The following PEX26 variants were observed in gnomAD, a reference collection of about 807,000 sequenced individuals.
PEX26 encodes peroxisomal biogenesis factor 26, also known as peroxisome assembly protein 26.
A neutral mutation model predicts 31.4 loss-of-function variants in PEX26; 18 were observed. The ratio of observed to expected loss-of-function variants is 0.57; its 90% CI spans 0.40 to 0.85. The LOEUF is 0.85. Ranked by LOEUF, PEX26 falls within the 40% of genes least tolerant of loss-of-function variation. PEX26 has a pLI of 0.00. For synonymous variants in PEX26, 176 were observed against 166.9 expected, an observed-to-expected ratio of 1.05 and a Z score of -0.42; for missense variants, 377 against 383.9, an observed-to-expected ratio of 0.98 and a Z score of 0.15.
chr22:18,080,121 T>G, intron 2 of PEX26, 107 bp downstream of exon 2: 1 of 1,257,216 alleles, frequency 8.0e-7, no homozygotes. Context: ...GCCCTCCAGA[T>G]CGGATTCTTT....
chr22:18,083,812 C>T, intron 3 of PEX26, 80 bp downstream of exon 3: 2 of 1,336,206 alleles, frequency 1.5e-6, no homozygotes, highest in East Asian at 2.3e-5. Flanking sequence ...CGTGAAACTC[C>T]TGCGAGCTTA....
intron 4 of PEX26, 100 bp from the exon 5 acceptor site, chr22:18,087,872 A>C (rs1297920479): frequency 8.5e-6 from 7 of 828,206 alleles, no homozygotes; most frequent in Non-Finnish European, 1.5e-5. Context: ...AAACAAAACC[A>C]ACTATGTGTA....
Position 18,083,419 on chromosome 22 carries a change from G to A in PEX26, c.372-18G>A, listed in dbSNP as rs2123654065. 2.5e-6 allele frequency: 4 copies of A among 1,613,006 alleles called. No homozygotes were observed. Among genetic ancestry groups the A allele is most frequent in the Non-Finnish European group, 3.4e-6 (4 of 1,179,764 alleles). ...CTGACTCTTCTTTTGTTGGGATTGG[G>A]TTTTTTGGGGACTGCAGCATTCTTT... On this transcript the variant is annotated intron_variant, in intron 2 of 4. Coordinates refer to ENST00000399744, the MANE Select transcript of PEX26 (RefSeq NM_001127649.3).
At chr22:18,079,211 T>G (rs938496862) in intron 1 of PEX26, 2 of 985,188 alleles carry the variant, frequency 2.0e-6, no homozygotes, top group East Asian at 2.3e-4. Context: ...GAAAAAAACC[T>G]TGGGCTTGCA....
chr22:18,081,142 A>G (rs1926566356), intron 2 of PEX26, among the ~76,000 whole-genome samples: 1 of 78,448 alleles, frequency 1.3e-5, no homozygotes, highest in Admixed American at 1.6e-4. Flanking sequence ...ATGGCTATAT[A>G]GTATTCCATT....
intron 1 of PEX26, chr22:18,079,022 A>G (rs886378435): frequency 3.3e-5 from 12 of 368,446 alleles, no homozygotes; most frequent in African/African-American, 1.3e-4. Context: ...TTCTGGTCCA[A>G]TTAGAGGACT....
rs1052534499 is a variant in PEX26 at position 18,092,882 on chromosome 22, CAA to C, written c.*4811_*4812del. On this transcript the variant is annotated 3_prime_UTR_variant, in exon 5 of 5. Coordinates refer to ENST00000399744, the MANE Select transcript of PEX26 (RefSeq NM_001127649.3). ...AAGCCAATTTTAAACAAGAAAAAAA[CAA>C]AAAGTTTACAAAAGAAAAAAAGATA... The C allele has an allele frequency of 4.0e-5, 6 of 148,194 alleles. No individual in the cohort carries two copies. The highest frequency in any genetic ancestry group is 1.5e-4 in the African/African-American group (6 of 40,030). The allele number at this position is 148,194 out of a possible 1,614,324, so 9.2% of individuals were successfully genotyped here. A position where few individuals can be genotyped will look rare whatever the true frequency, so the allele number is the denominator to read the frequency against.
rs1927052202 is a variant in PEX26, at chr22:18,090,574, T to C, written c.*2499T>C. The C allele has an allele frequency of 6.6e-6, 1 of 152,268 alleles. No individual in the cohort carries two copies. 9.4% of individuals were successfully genotyped at this position (152,268 alleles called of 1,614,324 possible). A position where few individuals can be genotyped will look rare whatever the true frequency, so the allele number is the denominator to read the frequency against. On this transcript the variant is annotated 3_prime_UTR_variant, in exon 5 of 5. Coordinates refer to ENST00000399744, the MANE Select transcript of PEX26 (RefSeq NM_001127649.3). ...TGGTCGTGACCCCATGGTCTTGTAATTGTGAACTTCTTTGCTGCCCCTTCG... is the reference window on the plus strand; with the variant it reads ...TGGTCGTGACCCCATGGTCTTGTAACTGTGAACTTCTTTGCTGCCCCTTCG...
chr22:18,083,323 C>G, intron 2 of PEX26, 114 bp from the exon 3 acceptor site: 2 of 1,072,474 alleles, frequency 1.9e-6, no homozygotes, highest in Non-Finnish European at 2.9e-6. Flanking sequence ...GGAAAGGGCT[C>G]GAGGACACAG....
Position 18,093,878 on chromosome 22 carries a change from T to C in PEX26, c.*5803T>C, listed in dbSNP as rs947928142. ...GCGTCTTCACTAGAGAGAGTGGAGG[T>C]GGTTAGGAAAGGGCAGGCGGGAAGG... On this transcript the variant is annotated 3_prime_UTR_variant, in exon 5 of 5. Transcript: ENST00000399744. 1 of 151,726 alleles carries C rather than the reference T, an allele frequency of 6.6e-6. No homozygotes were observed. Among genetic ancestry groups the C allele is most frequent in the Non-Finnish European group, 1.5e-5 (1 of 67,992 alleles). The allele number at this position is 151,726 out of a possible 1,614,324, so 9.4% of individuals were successfully genotyped here. A position where few individuals can be genotyped will look rare whatever the true frequency, so the allele number is the denominator to read the frequency against.
rs527516527 is a variant in PEX26, at chr22:18,101,635, C to T, written c.*13560C>T. The T allele has an allele frequency of 9.6e-6, 2 of 207,950 alleles. No individual in the cohort carries two copies. The highest frequency in any genetic ancestry group is 1.9e-5 in the Non-Finnish European group (2 of 103,454). The allele number at this position is 207,950 out of a possible 1,614,324, so 12.9% of individuals were successfully genotyped here. On this transcript the variant is annotated 3_prime_UTR_variant, in exon 5 of 5. Coordinates refer to ENST00000399744, the MANE Select transcript of PEX26 (RefSeq NM_001127649.3). ...CAGGATCAAGAAAAGAATGTGGCCA[C>T]CTTCCAAGGCTCAGAGTAGCTGTGC...
rs769787206 is a variant in PEX26, at chr22:18,083,610, T to G, written c.545T>G (p.Val182Gly). Residue 182 changes from valine to glycine, a missense_variant, in exon 3 of 5, where the codon GTG becomes GGG. By Grantham distance (109) the Val-to-Gly change is moderately radical. Transcript: ENST00000399744. Reference sequence around the variant, plus strand: ...TTATCGGAGGCTGAGGAGCTAGTGGTGGGCTCTGCAGCCTTTGGTGAGGAG... The same window carrying G: ...TTATCGGAGGCTGAGGAGCTAGTGGGGGGCTCTGCAGCCTTTGGTGAGGAG... ...GCLSEAEELV[V>G]GSAAFGEERR... 6.2e-7 allele frequency: 1 copy of G among 1,613,968 alleles called. No individual in the cohort carries two copies. The highest frequency in any genetic ancestry group is 1.7e-5 in the Admixed American group (1 of 59,986).
At position 18,103,115 on chromosome 22, in the gene PEX26, C is replaced by T. The variant is rs1266612357; in HGVS notation, c.*15040C>T. The stretch of plus-strand genomic sequence containing the variant: ...CTCAAAAAAAAAAAAAAAAAAAAGG[C>T]ATGTAAAAGTTAATCTCATGGAGGT... On this transcript the variant is annotated 3_prime_UTR_variant, in exon 5 of 5. Transcript: ENST00000399744. 2.5e-5 allele frequency: 2 copies of T among 78,874 alleles called. No individual in the cohort carries two copies. The highest frequency in any genetic ancestry group is 1.0e-3 in the East Asian group (2 of 1,984). 4.9% of individuals were successfully genotyped at this position (78,874 alleles called of 1,614,324 possible). A position where few individuals can be genotyped will look rare whatever the true frequency, so the allele number is the denominator to read the frequency against.
In PEX26 at chr22:18,088,047, G is replaced by A. The variant is rs1290168962; in HGVS notation, c.890G>A (p.Arg297His). Residue 297 changes from arginine (R) to histidine (H), a missense_variant, in exon 5 of 5, where the codon CGC becomes CAC. Transcript: ENST00000399744. The surrounding 1 kb of genome is among the most constrained non-coding windows in gnomAD (Gnocchi z 4.1). The part of the protein sequence containing the change: ...FRWIRKAAFS[R>H]LYQLRIRD Reference sequence around the variant, plus strand: ...TGGATCCGGAAGGCTGCATTTTCTCGCCTCTACCAGCTCCGCATCCGTGAC... The same window carrying A: ...TGGATCCGGAAGGCTGCATTTTCTCACCTCTACCAGCTCCGCATCCGTGAC... The A allele has an allele frequency of 9.9e-6, 16 of 1,612,480 alleles. No homozygotes were observed. Among genetic ancestry groups the A allele is most frequent in the South Asian group, 2.2e-5 (2 of 91,056 alleles).
chr22:18,083,792 C>G lies in PEX26; in HGVS notation c.667+60C>G, dbSNP rs1295140677. ...GGACTTGCGGGCTTGCACTGTACCTCGGGGTCTGTCGTGAAACTCCTGCGA... is the reference window on the plus strand; with the variant it reads ...GGACTTGCGGGCTTGCACTGTACCTGGGGGTCTGTCGTGAAACTCCTGCGA... On this transcript the variant is annotated intron_variant, in intron 3 of 4. Transcript: ENST00000399744. The G allele has an allele frequency of 2.0e-6, 3 of 1,514,316 alleles. No homozygotes were observed. In the Admixed American group the frequency reaches 5.2e-5, roughly 26 times the overall value. The allele number at this position is 1,514,316 out of a possible 1,614,324, so 93.8% of individuals were successfully genotyped here. A position where few individuals can be genotyped will look rare whatever the true frequency, so the allele number is the denominator to read the frequency against.
chr22:18,081,245 T>TACACACACACACACAC (rs59081749), intron 2 of PEX26, among the ~76,000 whole-genome samples: 1,918 of 138,100 alleles, frequency 0.014, 28 homozygotes, highest in East Asian at 0.03. Flanking sequence ...TGTACACATA[T>TACACACACACACACAC]ACACACACAC....
At chr22:18,084,237 C>CTCTTTTT (rs1556589212) in intron 3 of PEX26, among the ~76,000 whole-genome samples, 2 of 95,322 alleles carry the variant, frequency 2.1e-5, no homozygotes, top group Non-Finnish European at 2.1e-5. Flanking sequence ...ATCTCTCTCT[C>CTCTTTTT]TTTTTTTTTT....
rs953403546 is a variant in PEX26 at position 18,080,134 on chromosome 22, C to T, written c.371+120C>T. 1.6e-5 allele frequency: 18 copies of T among 1,115,876 alleles called. 1 individual carries two copies. The South Asian group carries it at 2.4e-4, about 15-fold the overall frequency. The allele number at this position is 1,115,876 out of a possible 1,614,324, so 69.1% of individuals were successfully genotyped here. ...TTGCCCTCCAGATCGGATTCTTTCC[C>T]TTCACTTTTTTTTCCCCAGACTTCC... is the stretch of plus-strand genomic sequence containing the variant. On this transcript the variant is annotated intron_variant, in intron 2 of 4. Transcript: ENST00000399744.
rs1290315365 is a variant in PEX26 at position 18,095,380 on chromosome 22, A to G, written c.*7305A>G. The G allele has an allele frequency of 1.3e-5, 2 of 152,190 alleles. No homozygotes were observed. The highest frequency in any genetic ancestry group is 6.5e-5 in the Admixed American group (1 of 15,268). The allele number at this position is 152,190 out of a possible 1,614,324, so 9.4% of individuals were successfully genotyped here. A position where few individuals can be genotyped will look rare whatever the true frequency, so the allele number is the denominator to read the frequency against. On this transcript the variant is annotated 3_prime_UTR_variant, in exon 5 of 5. Transcript: ENST00000399744. ...CAGATAAGCCATGCTCTTGGTTACCAGTGGACTTAGCTGGGTCTCAAAGAA... is the reference window on the plus strand; with the variant it reads ...CAGATAAGCCATGCTCTTGGTTACCGGTGGACTTAGCTGGGTCTCAAAGAA...
Sources: gnomAD v4.1 joint callset for allele counts (sites outside exome capture counted in the v4.1 genomes callset) on GRCh38, gnomAD v4.1.1 for gene constraint, Gnocchi (gnomAD v3.1) non-coding constraint, MANE v1.5 for transcripts, NCBI Gene and HGNC (gene_info 2026-07-23, HGNC 2026-07-21) for gene names.